ADARB2: variants seen among roughly 807,000 people sequenced by gnomAD.
ADARB2 encodes the protein inactive double-stranded RNA-specific editase B2.
A neutral mutation model predicts 62.2 loss-of-function variants in ADARB2; 25 were observed. The ratio of observed to expected loss-of-function variants is 0.40; its 90% CI spans 0.29 to 0.56. ADARB2 has a LOEUF of 0.56. ADARB2 is among the 20% of genes least tolerant of loss of function. The probability of loss-of-function intolerance (pLI) is 0.43; values close to 1 mark genes in which losing one functional copy is unlikely to be tolerated. For synonymous variants in ADARB2, 572 were observed against 500.8 expected (o/e 1.14, Z -1.90); for missense variants, 1,071 against 1,077.4 (o/e 0.99, Z 0.08).
chr10:1,571,932 C>T (rs1384921480), intron 1 of ADARB2, among the ~76,000 whole-genome samples: 2 of 126,090 alleles, frequency 1.6e-5, no homozygotes, highest in Non-Finnish European at 3.2e-5. Flanking sequence ...AGGTGATATG[C>T]TGGTGAGCGG....
At chr10:1,266,100 C>T (rs890931345) in intron 4 of ADARB2, among the ~76,000 whole-genome samples, 1 of 150,992 alleles carries the variant, frequency 6.6e-6, no homozygotes, top group African/African-American at 2.4e-5. Flanking sequence ...GGCCCAGGCT[C>T]TCCCGGAAGA....
At chr10:1,376,837 C>CA (rs1039129574) in intron 2 of ADARB2, among the ~76,000 whole-genome samples, 1 of 136,960 alleles carries the variant, frequency 7.3e-6, no homozygotes, top group African/African-American at 2.8e-5. Flanking sequence ...TTTCCAGGTC[C>CA]ACACGTCAGG....
intron 1 of ADARB2, among the ~76,000 whole-genome samples, chr10:1,408,159 G>A (rs1395482852): frequency 6.6e-6 from 1 of 152,186 alleles, no homozygotes; most frequent in Non-Finnish European, 1.5e-5. Context: ...CTGAGATCAT[G>A]CTTTACATGG....
At position 1,255,510 on chromosome 10, in the gene ADARB2, T is replaced by C. The variant is rs1271560992; in HGVS notation, c.1193-13211A>G. On this transcript the variant is annotated intron_variant, in intron 4 of 9. Transcript: ENST00000381312. This position sits in a 1 kb window ranked among gnomAD's most constrained non-coding sequence, Gnocchi z 4.7. ...GACGCTGGCTGCTGTCCACCTGTGA[T>C]GGCCTCGGGCACTGTGGCCCCCACT... Among the ~76,000 whole-genome samples, 1 of 152,254 alleles carries C rather than the reference T, an allele frequency of 6.6e-6. No homozygotes were observed. The highest frequency in any genetic ancestry group is 1.5e-5 in the Non-Finnish European group (1 of 68,040).
At chr10:1,461,140 GA>G (rs1831169808) in intron 1 of ADARB2, among the ~76,000 whole-genome samples, 1 of 152,192 alleles carries the variant, frequency 6.6e-6, no homozygotes, top group South Asian at 2.1e-4. Flanking sequence ...AGCAACAGAA[GA>G]AATCATTTCA....
In ADARB2 at chr10:1,530,357, C is replaced by T. The variant is rs1019313925; in HGVS notation, c.101-151197G>A. 2.0e-5 allele frequency among the ~76,000 whole-genome samples: 3 copies of T among 152,250 alleles called. No homozygotes were observed. In the East Asian group the frequency reaches 5.8e-4, roughly 29 times the overall value. On this transcript the variant is annotated intron_variant, in intron 1 of 9. Transcript: ENST00000381312. ...CCCACAACATTCCCTCCTCCTGAAA[C>T]ACTTGCGTCCTGGGTTTCCTCATCC...
chr10:1,687,038 T>C (rs892190974), intron 1 of ADARB2, among the ~76,000 whole-genome samples: 2 of 150,678 alleles, frequency 1.3e-5, no homozygotes, highest in African/African-American at 2.5e-5. Context: ...CCTTTTTTTT[T>C]TTTTTTTTTG....
chr10:1,724,534 G>C (rs1406821022), intron 1 of ADARB2, among the ~76,000 whole-genome samples: 1 of 152,194 alleles, frequency 6.6e-6, no homozygotes, highest in Non-Finnish European at 1.5e-5. Flanking sequence ...GTGCGCAGCA[G>C]CAGGAGGGCC....
At chr10:1,727,624 T>A (rs931901093) in intron 1 of ADARB2, among the ~76,000 whole-genome samples, 11 of 152,234 alleles carry the variant, frequency 7.2e-5, no homozygotes, top group Non-Finnish European at 1.0e-4. Flanking sequence ...CAAAGAACTT[T>A]CATTTGATAT....
intron 1 of ADARB2, among the ~76,000 whole-genome samples, chr10:1,698,429 G>T (rs1319696107): frequency 1.3e-5 from 2 of 152,208 alleles, no homozygotes; most frequent in Non-Finnish European, 2.9e-5. Flanking sequence ...GAGCATGGGG[G>T]AGAGACATAC....
At chr10:1,679,691 T>C (rs1203099123) in intron 1 of ADARB2, among the ~76,000 whole-genome samples, 2 of 152,160 alleles carry the variant, frequency 1.3e-5, no homozygotes, top group African/African-American at 4.8e-5. Flanking sequence ...TTCCAGAGTG[T>C]ACAGCTGCAG....
At chr10:1,591,477 G>A (rs1343797629) in intron 1 of ADARB2, among the ~76,000 whole-genome samples, 1 of 152,082 alleles carries the variant, frequency 6.6e-6, no homozygotes, top group Non-Finnish European at 1.5e-5. Context: ...TGCATTTGGG[G>A]GCAGGGGTCT....
chr10:1,323,593 A>G (rs1043175882), intron 3 of ADARB2, among the ~76,000 whole-genome samples: 2 of 152,190 alleles, frequency 1.3e-5, no homozygotes, highest in Admixed American at 1.3e-4. Flanking sequence ...TAGCTATAGT[A>G]ATTGATCATG....
At chr10:1,721,759 G>A (rs780620521) in intron 1 of ADARB2, among the ~76,000 whole-genome samples, 2 of 152,184 alleles carry the variant, frequency 1.3e-5, no homozygotes, top group Non-Finnish European at 2.9e-5. Flanking sequence ...CAGGGACACA[G>A]CATTTGTGCT....
At chr10:1,268,272 GA>G (rs1404011388) in intron 4 of ADARB2, among the ~76,000 whole-genome samples, 15 of 152,154 alleles carry the variant, frequency 9.9e-5, no homozygotes, top group Admixed American at 9.8e-4. Flanking sequence ...GAAGGGGAGT[GA>G]GGGGTGGAGT....
intron 1 of ADARB2, chr10:1,526,739 T>C (rs772778408): frequency 7.7e-6 from 3 of 388,718 alleles, no homozygotes; most frequent in Non-Finnish European, 1.7e-5. Flanking sequence ...CGGGTGTTCC[T>C]TTCTAGCAAC....
intron 4 of ADARB2, among the ~76,000 whole-genome samples, chr10:1,248,256 G>A (rs1831005384): frequency 6.8e-6 from 1 of 146,626 alleles, no homozygotes; most frequent in Admixed American, 6.8e-5. Context: ...AGGAGGTGCA[G>A]GAAGACTTAG....
At chr10:1,336,128 T>C (rs187090476) in intron 3 of ADARB2, among the ~76,000 whole-genome samples, 8 of 152,344 alleles carry the variant, frequency 5.3e-5, no homozygotes, top group Non-Finnish European at 1.2e-4. Context: ...AAATTCAGCA[T>C]CTATTCTTCT....
chr10:1,656,615 A>C (rs1451149668), intron 1 of ADARB2, among the ~76,000 whole-genome samples: 1 of 152,162 alleles, frequency 6.6e-6, no homozygotes, highest in Non-Finnish European at 1.5e-5. Flanking sequence ...CACTTGTTGC[A>C]TAAAAGGCCT....
Sources: allele counts gnomAD v4.1 joint callset (sites outside exome capture counted in the v4.1 genomes callset), GRCh38; gene constraint gnomAD v4.1.1; non-coding constraint Gnocchi (gnomAD v3.1); transcripts MANE v1.5; gene names NCBI Gene and HGNC (gene_info 2026-07-23, HGNC 2026-07-21).